Variants in MEGF10 observed in about 807,000 individuals in gnomAD.
MEGF10 encodes the protein multiple EGF like domains 10.
In MEGF10, 86 loss-of-function variants were observed where a neutral mutation model predicts 147.5. The observed-to-expected ratio is 0.58, with a 90% CI of 0.49 to 0.70. MEGF10 has a LOEUF of 0.70. Among genes scored for constraint, MEGF10 ranks in the 30% least tolerant of loss-of-function variants. The pLI, the probability that MEGF10 is intolerant of heterozygous loss-of-function variation, is 0.00. For missense variants in MEGF10, 1,329 were observed against 1,487.3 expected (o/e 0.89, Z 1.75); for synonymous variants, 478 against 525.5 (o/e 0.91, Z 1.24).
intron 4 of MEGF10, among the ~76,000 whole-genome samples, chr5:127,356,638 G>A (rs1255995875): frequency 1.3e-5 from 2 of 152,120 alleles, no homozygotes; most frequent in Admixed American, 1.3e-4. Context: ...TGAAATTGAG[G>A]GACATAAAAG....
intron 1 of MEGF10, among the ~76,000 whole-genome samples, chr5:127,320,997 T>G (rs1760765818): frequency 6.6e-6 from 1 of 152,220 alleles, no homozygotes; most frequent in Non-Finnish European, 1.5e-5. Flanking sequence ...GCTTAGTCTC[T>G]TAGAGTATCT....
At chr5:127,265,434 C>T in the MEGF10 span, among the ~76,000 whole-genome samples, 3 of 151,962 alleles carry the variant, frequency 2.0e-5, no homozygotes, top group Non-Finnish European at 2.9e-5. Context: ...GGTATATACC[C>T]AGTAATGGGA....
chr5:127,285,734 A>G, the MEGF10 span, among the ~76,000 whole-genome samples: 3 of 152,146 alleles, frequency 2.0e-5, no homozygotes, highest in Non-Finnish European at 4.4e-5. Context: ...AAGCAGTGAA[A>G]TAAGATGAAC....
chr5:127,271,665 T>TA, the MEGF10 span, among the ~76,000 whole-genome samples: 1 of 152,044 alleles, frequency 6.6e-6, no homozygotes, highest in Non-Finnish European at 1.5e-5. Flanking sequence ...AGTGAGTTCT[T>TA]ACAAGATCTG....
chr5:127,442,851 GT>G (rs1203403293), intron 18 of MEGF10, 146 bp from the exon 19 acceptor site: 331 of 747,186 alleles, frequency 4.4e-4, no homozygotes, highest in Non-Finnish European at 4.5e-4. Flanking sequence ...ATGCTGTCCA[GT>G]TCTGGGACAC....
At chr5:127,417,588 G>T (rs749601357) in intron 9 of MEGF10, 50 bp from the exon 10 acceptor site, 1 of 1,574,104 alleles carries the variant, frequency 6.4e-7, no homozygotes, top group African/African-American at 1.3e-5. Flanking sequence ...CAGAAGTTGG[G>T]TGTCATGTTT....
chr5:127,451,462 C>T (rs1323941705), intron 22 of MEGF10, among the ~76,000 whole-genome samples: 1 of 152,166 alleles, frequency 6.6e-6, no homozygotes, highest in Non-Finnish European at 1.5e-5. Context: ...AAATTATTTA[C>T]ATACGAGACT....
At chr5:127,320,847 G>A (rs546826883) in intron 1 of MEGF10, among the ~76,000 whole-genome samples, 15 of 152,298 alleles carry the variant, frequency 9.8e-5, no homozygotes, top group African/African-American at 3.6e-4. Context: ...GTCTGGGTTA[G>A]TGGTTCAGAA....
chr5:127,445,324 C>A, intron 19 of MEGF10, 133 bp from the exon 20 acceptor site: 1 of 712,906 alleles, frequency 1.4e-6, no homozygotes, highest in Non-Finnish European at 2.4e-6. Context: ...TTTCTTCCTG[C>A]TCTGTTTCCA....
chr5:127,279,829 T>A, the MEGF10 span, among the ~76,000 whole-genome samples: 1 of 152,276 alleles, frequency 6.6e-6, no homozygotes, highest in African/African-American at 2.4e-5. Context: ...GCATGCACAA[T>A]ACAATTGATC....
intron 9 of MEGF10, among the ~76,000 whole-genome samples, chr5:127,416,620 A>G (rs1264234573): frequency 1.3e-5 from 2 of 152,188 alleles, no homozygotes; most frequent in Non-Finnish European, 2.9e-5. Flanking sequence ...AAGTATATTT[A>G]AATAAAATTC....
intron 1 of MEGF10, among the ~76,000 whole-genome samples, chr5:127,330,181 G>A (rs1761197665): frequency 6.6e-6 from 1 of 152,066 alleles, no homozygotes; most frequent in African/African-American, 2.4e-5. Flanking sequence ...ATCTCCCAGA[G>A]CCACTCCACT....
At chr5:127,335,036 A>G (rs961003232) in intron 2 of MEGF10, among the ~76,000 whole-genome samples, 29 of 152,168 alleles carry the variant, frequency 1.9e-4, no homozygotes, top group African/African-American at 6.3e-4. Context: ...TTCTCCCCAG[A>G]TAATACTTAA....
intron 5 of MEGF10, among the ~76,000 whole-genome samples, chr5:127,391,100 G>GCACACACACACA (rs1173924866): frequency 7.5e-4 from 30 of 40,108 alleles, no homozygotes; most frequent in African/African-American, 1.5e-3. Context: ...GCGCGCGCGC[G>GCACACACACACA]CGCACACACA....
At chr5:127,353,746 ACT>A (rs1160960) in intron 4 of MEGF10, among the ~76,000 whole-genome samples, 58,848 of 151,982 alleles carry the variant, frequency 0.39, 12,619 homozygotes, top group Non-Finnish European at 0.49. Flanking sequence ...AAGTCTGCTA[ACT>A]CTGTTTTTGT....
At chr5:127,274,384 C>G in the MEGF10 span, among the ~76,000 whole-genome samples, 1 of 151,986 alleles carries the variant, frequency 6.6e-6, no homozygotes, top group South Asian at 2.1e-4. Flanking sequence ...TTCAATTTTG[C>G]TAGGTGTGAT....
At chr5:127,390,224 C>T (rs967371490) in intron 5 of MEGF10, among the ~76,000 whole-genome samples, 18 of 152,100 alleles carry the variant, frequency 1.2e-4, no homozygotes, top group African/African-American at 4.3e-4. Flanking sequence ...TTGCTGCATC[C>T]TTACCTAAAT....
intron 20 of MEGF10, 144 bp downstream of exon 20, chr5:127,445,837 T>C: frequency 1.5e-6 from 1 of 675,694 alleles, no homozygotes; most frequent in East Asian, 2.5e-5. Flanking sequence ...AAGGTATACA[T>C]TGCTAGAGAT....
intron 1 of MEGF10, among the ~76,000 whole-genome samples, chr5:127,325,910 T>TA (rs1491263807): frequency 0.026 from 456 of 17,638 alleles, 5 homozygotes; most frequent in South Asian, 0.22. Flanking sequence ...TATATATATA[T>TA]TTTTTTTTTT....
Sources: allele counts gnomAD v4.1 joint callset (sites outside exome capture counted in the v4.1 genomes callset), GRCh38; gene constraint gnomAD v4.1.1; transcripts MANE v1.5; gene names NCBI Gene and HGNC (gene_info 2026-07-23, HGNC 2026-07-21).